The following CFAP70 variants were observed in gnomAD, a reference collection of about 807,000 sequenced individuals.
CFAP70 encodes cilia and flagella associated protein 70.
Under a neutral mutation model 137.6 loss-of-function variants are expected in CFAP70, and 81 were observed. The ratio of observed to expected loss-of-function variants is 0.59; its 90% confidence interval spans 0.49 to 0.71. The LOEUF is 0.71. CFAP70 is among the 30% of genes least tolerant of loss of function. The pLI is 0.00. For synonymous variants in CFAP70, 382 were observed against 423.6 expected, an observed-to-expected ratio of 0.90 and a Z score of 1.20; for missense variants, 976 against 1,226.7, an observed-to-expected ratio of 0.80 and a Z score of 3.05.
intron 25 of CFAP70, among the ~76,000 whole-genome samples, chr10:73,257,917 A>G (rs1346707082): frequency 8.1e-6 from 1 of 124,190 alleles, no homozygotes. Flanking sequence ...TTGCTCTGTC[A>G]CCCAGGCTGG....
intron 2 of CFAP70, 63 bp downstream of exon 2, chr10:73,354,671 T>C (rs558244232): frequency 3.1e-4 from 444 of 1,411,976 alleles, no homozygotes; most frequent in Non-Finnish European, 3.1e-4. Context: ...GAAGCAAAAT[T>C]CCATTCCTCC....
At chr10:73,272,669 T>C (rs560790729) in intron 24 of CFAP70, 55 of 540,772 alleles carry the variant, frequency 1.0e-4, no homozygotes, top group Non-Finnish European at 1.6e-4. Context: ...GGAGTGTCTA[T>C]ACCAAATAAC....
chr10:73,260,044 A>C (rs1009383881), intron 25 of CFAP70, among the ~76,000 whole-genome samples: 1 of 151,022 alleles, frequency 6.6e-6, no homozygotes, highest in Non-Finnish European at 1.5e-5. Context: ...AAAAGAAAAA[A>C]AAAGGACTTA....
chr10:73,292,601 A>T (rs1054796624), intron 16 of CFAP70, among the ~76,000 whole-genome samples: 2 of 152,222 alleles, frequency 1.3e-5, no homozygotes, highest in African/African-American at 4.8e-5. Context: ...ACACAGAATT[A>T]CCGTATGTCT....
In CFAP70 at chr10:73,289,390, A is replaced by C. The variant is rs573571464; in HGVS notation, c.2239+1836T>G. Reference sequence around the variant, plus strand: ...AACCTCTGCCTCCTGGGTTCAAGCGATTCTCCTGCCTCAGCCTCCTGAGTA... The same window carrying C: ...AACCTCTGCCTCCTGGGTTCAAGCGCTTCTCCTGCCTCAGCCTCCTGAGTA... On this transcript the variant is annotated intron_variant, in intron 19 of 26. Transcript: ENST00000310715. Among the ~76,000 whole-genome samples, 5 of 151,996 alleles carry C rather than the reference A, an allele frequency of 3.3e-5. No individual in the cohort carries two copies. In the East Asian group the frequency reaches 7.8e-4, roughly 24 times the overall value.
upstream of CFAP70, among the ~76,000 whole-genome samples, chr10:73,359,519 C>T (rs1361875077): frequency 6.6e-6 from 1 of 152,116 alleles, no homozygotes; most frequent in Non-Finnish European, 1.5e-5. Flanking sequence ...AAGTAAACAA[C>T]GACGATAACG....
At chr10:73,271,652 G>A (rs1349869669) in intron 24 of CFAP70, among the ~76,000 whole-genome samples, 2 of 152,164 alleles carry the variant, frequency 1.3e-5, no homozygotes, top group African/African-American at 2.4e-5. Flanking sequence ...ACCAACTTGT[G>A]GAGTTACGGA....
intron 24 of CFAP70, chr10:73,272,680 A>G: frequency 1.8e-6 from 1 of 567,540 alleles, no homozygotes; most frequent in African/African-American, 1.9e-5. Context: ...ACCAAATAAC[A>G]TGAATTTTTT....
At chr10:73,276,583 CT>C (rs1439898049) in intron 21 of CFAP70, 1 of 152,208 alleles carries the variant, frequency 6.6e-6, no homozygotes, top group East Asian at 1.9e-4. Flanking sequence ...AATTCTTGCC[CT>C]TTCTTGAGCT....
In CFAP70 at chr10:73,255,394, CA is replaced by C. The variant is rs1305581729; in HGVS notation, c.3075+974del. 1.3e-4 allele frequency among the ~76,000 whole-genome samples: 19 copies of C among 149,138 alleles called. 1 individual carries two copies. Among genetic ancestry groups the C allele is most frequent in the Admixed American group, 1.1e-3 (16 of 14,950 alleles). Reference sequence around the variant, plus strand: ...TGGGAGACAGAGCAAGACTCCATCTCAAAAAAAAAATTCAGCTGGGCATGGT... The same window carrying C: ...TGGGAGACAGAGCAAGACTCCATCTCAAAAAAAAATTCAGCTGGGCATGGT... On this transcript the variant is annotated intron_variant, in intron 26 of 26. Transcript: ENST00000310715.
At chr10:73,334,509 G>A (rs1041870481) in intron 7 of CFAP70, among the ~76,000 whole-genome samples, 5 of 152,032 alleles carry the variant, frequency 3.3e-5, no homozygotes, top group African/African-American at 1.2e-4. Context: ...TAGTTAAGAA[G>A]GTAGAACAAA....
intron 23 of CFAP70, 135 bp downstream of exon 24, chr10:73,274,298 G>C: frequency 2.9e-6 from 3 of 1,020,924 alleles, no homozygotes; most frequent in Non-Finnish European, 4.2e-6. Flanking sequence ...TCTGATGTTG[G>C]GCAAGTCACT....
chr10:73,300,131 A>C (rs567491040), intron 12 of CFAP70, among the ~76,000 whole-genome samples: 7 of 152,286 alleles, frequency 4.6e-5, no homozygotes, highest in Non-Finnish European at 8.8e-5. Context: ...CTCTTGGCAT[A>C]ATTTATAGGG....
At chr10:73,341,724 C>G (rs2053269218) in intron 5 of CFAP70, 143 bp from the exon 7 acceptor site, 1 of 683,344 alleles carries the variant, frequency 1.5e-6, no homozygotes, top group Non-Finnish European at 2.4e-6. Context: ...AGAGAGGGGC[C>G]TGTGCCCTTC....
At chr10:73,350,729 C>T (rs994047093) in intron 3 of CFAP70, among the ~76,000 whole-genome samples, 3 of 151,774 alleles carry the variant, frequency 2.0e-5, no homozygotes, top group Non-Finnish European at 4.4e-5. Context: ...TAATTTTTTA[C>T]ACACATTTTA....
At chr10:73,362,753 C>G (rs940252948), upstream of CFAP70, among the ~76,000 whole-genome samples, 1 of 151,840 alleles carries the variant, frequency 6.6e-6, no homozygotes, top group Non-Finnish European at 1.5e-5. Context: ...ATTTAGATGC[C>G]CTTTGTTTCT....
intron 15 of CFAP70, chr10:73,296,091 A>G (rs545828971): frequency 6.6e-6 from 1 of 152,252 alleles, no homozygotes; most frequent in African/African-American, 2.4e-5. Context: ...ATTATGCAAT[A>G]ATCAACTAAC....
upstream of CFAP70, among the ~76,000 whole-genome samples, chr10:73,361,293 CTTT>C (rs577780984): frequency 5.5e-5 from 7 of 128,372 alleles, no homozygotes; most frequent in African/African-American, 1.2e-4. Context: ...CATGCCCGGC[CTTT>C]TTTTTTTTTT....
intron 1 of CFAP70, among the ~76,000 whole-genome samples, chr10:73,356,596 C>T (rs911256420): frequency 1.3e-5 from 2 of 152,200 alleles, no homozygotes; most frequent in African/African-American, 4.8e-5. Context: ...ATCTTACAGC[C>T]TTCAGACTTT....
Sources: allele counts gnomAD v4.1 joint callset (sites outside exome capture counted in the v4.1 genomes callset), GRCh38; gene constraint gnomAD v4.1.1; transcripts MANE v1.5; gene names NCBI Gene and HGNC (gene_info 2026-07-23, HGNC 2026-07-21).